Variants in WDR7 observed in about 807,000 individuals in gnomAD.
WDR7 encodes WD repeat-containing protein 7.
A neutral mutation model predicts 169.4 loss-of-function variants in WDR7; 46 were observed. The observed-to-expected ratio is 0.27, with a 90% CI of 0.21 to 0.35. The LOEUF is 0.35. Among genes scored for constraint, WDR7 ranks in the 10% least tolerant of loss-of-function variants. The pLI is 1.00. For missense variants in WDR7, 1,534 were observed against 1,859.3 expected, an observed-to-expected ratio of 0.83 and a Z score of 3.22; for synonymous variants, 612 against 666.8, an observed-to-expected ratio of 0.92 and a Z score of 1.27.
chr18:56,932,629 G>A (rs1339027462), intron 22 of WDR7, among the ~76,000 whole-genome samples: 5 of 152,124 alleles, frequency 3.3e-5, no homozygotes, highest in Admixed American at 2.0e-4. Context: ...TATAATAGAG[G>A]AGCCGGCAGG....
At chr18:57,033,406 T>C (rs1435635778), downstream of WDR7, 2 of 152,126 alleles carry the variant, frequency 1.3e-5, no homozygotes, top group East Asian at 1.9e-4. Context: ...CTGAAGGACA[T>C]TGGTAGATGC....
intron 14 of WDR7, among the ~76,000 whole-genome samples, chr18:56,734,681 G>A (rs930107397): frequency 1.3e-5 from 2 of 151,992 alleles, no homozygotes; most frequent in African/African-American, 4.8e-5. Context: ...GGCAGAGTTA[G>A]TTCTTACATT....
chr18:56,975,036 G>A (rs1423307297), intron 26 of WDR7, among the ~76,000 whole-genome samples: 1 of 152,022 alleles, frequency 6.6e-6, no homozygotes, highest in African/African-American at 2.4e-5. Flanking sequence ...TCAGGAGTTC[G>A]AGACCACCCT....
chr18:56,838,559 T>C (rs1257801152), intron 20 of WDR7, among the ~76,000 whole-genome samples: 1 of 152,218 alleles, frequency 6.6e-6, no homozygotes, highest in Non-Finnish European at 1.5e-5. Flanking sequence ...AACGACAAAA[T>C]TGTTTCCATA....
chr18:56,882,378 G>C (rs924859801), intron 21 of WDR7, among the ~76,000 whole-genome samples: 1 of 152,186 alleles, frequency 6.6e-6, no homozygotes, highest in African/African-American at 2.4e-5. Context: ...GTCAAGAAAT[G>C]TCTAATCCTT....
At chr18:56,902,238 G>T (rs2046413388) in intron 21 of WDR7, among the ~76,000 whole-genome samples, 1 of 152,134 alleles carries the variant, frequency 6.6e-6, no homozygotes, top group East Asian at 1.9e-4. Context: ...CTAAAGTATA[G>T]CAATATTACA....
chr18:56,723,427 G>T (rs571849053), intron 13 of WDR7, among the ~76,000 whole-genome samples: 38 of 151,432 alleles, frequency 2.5e-4, no homozygotes, highest in Non-Finnish European at 2.9e-5. Flanking sequence ...TTCAGCTTTT[G>T]CATGTTTGAA....
rs533071184 is a variant in WDR7, at chr18:56,883,613, C to G, written c.3526+3448C>G. 2.4e-3 allele frequency among the ~76,000 whole-genome samples: 360 copies of G among 151,906 alleles called. 1 individual carries two copies. The highest frequency in any genetic ancestry group is 8.2e-3 in the African/African-American group (338 of 41,444). On this transcript the variant is annotated intron_variant, in intron 21 of 27. Coordinates refer to ENST00000254442, the MANE Select transcript of WDR7 (RefSeq NM_015285.3). ...CTGAGATTTTGGTTCACCCATCACC[C>G]TACCAGTGCACACTGTACCCAGTGT... is the stretch of plus-strand genomic sequence containing the variant.
At chr18:56,967,900 G>T (rs1307448140) in intron 26 of WDR7, among the ~76,000 whole-genome samples, 1 of 152,140 alleles carries the variant, frequency 6.6e-6, no homozygotes, top group African/African-American at 2.4e-5. Context: ...TAGTTATACT[G>T]TATTGGTTAG....
chr18:56,697,290 A>T (rs925797146), intron 12 of WDR7, among the ~76,000 whole-genome samples: 1 of 152,182 alleles, frequency 6.6e-6, no homozygotes, highest in Non-Finnish European at 1.5e-5. Flanking sequence ...TATCTACAAG[A>T]TATCTCATTT....
intron 19 of WDR7, among the ~76,000 whole-genome samples, chr18:56,782,636 A>C (rs1568191858): frequency 6.6e-6 from 1 of 152,186 alleles, no homozygotes; most frequent in Non-Finnish European, 1.5e-5. Flanking sequence ...ATTTTAAATG[A>C]CCTTTTGCCA....
intron 20 of WDR7, among the ~76,000 whole-genome samples, chr18:56,870,588 T>C (rs1377383648): frequency 1.3e-5 from 2 of 152,220 alleles, no homozygotes; most frequent in African/African-American, 4.8e-5. Context: ...ATTACCAGCA[T>C]ACAATGATAA....
intron 14 of WDR7, among the ~76,000 whole-genome samples, chr18:56,746,896 A>C (rs1007853267): frequency 2.0e-5 from 3 of 152,156 alleles, no homozygotes; most frequent in African/African-American, 7.2e-5. Context: ...CCAAGTCGTC[A>C]CTAGCAAAGT....
chr18:56,747,900 T>TG lies in WDR7; in HGVS notation c.1990-8683_1990-8682insG, dbSNP rs144798149. On this transcript the variant is annotated intron_variant, in intron 14 of 27. Coordinates refer to ENST00000254442, the MANE Select transcript of WDR7 (RefSeq NM_015285.3). ...GTGACCCAAGGTTGATTAGGGCAGT[T>TG]TTTTTTTTCTTCTTTTCATTTTCTC... Among the ~76,000 whole-genome samples, 442 of 151,824 alleles carry TG rather than the reference T, an allele frequency of 2.9e-3. 3 individuals are homozygous for TG. In the East Asian group the frequency reaches 0.032, roughly 11 times the overall value.
At chr18:56,795,296 G>A (rs139101328) in intron 19 of WDR7, among the ~76,000 whole-genome samples, 39 of 152,234 alleles carry the variant, frequency 2.6e-4, no homozygotes, top group Non-Finnish European at 5.1e-4. Flanking sequence ...TCCTGACTCA[G>A]ACCTGAGTCA....
chr18:56,966,794 A>G (rs1364451094), intron 26 of WDR7, among the ~76,000 whole-genome samples: 3 of 152,120 alleles, frequency 2.0e-5, no homozygotes, highest in South Asian at 2.1e-4. Flanking sequence ...GGGGATTAAG[A>G]TATTGGAGGT....
intron 14 of WDR7, among the ~76,000 whole-genome samples, chr18:56,733,075 G>A (rs1033029297): frequency 1.3e-5 from 2 of 152,118 alleles, no homozygotes; most frequent in Admixed American, 6.6e-5. Context: ...GTTTGTCCCT[G>A]TTTTAATAGC....
chr18:56,988,253 A>G (rs1222849548), intron 26 of WDR7, among the ~76,000 whole-genome samples: 2 of 152,226 alleles, frequency 1.3e-5, no homozygotes, highest in African/African-American at 2.4e-5. Flanking sequence ...GTTGTGAGGC[A>G]TAAGGTTCAG....
intron 20 of WDR7, among the ~76,000 whole-genome samples, chr18:56,838,372 G>A (rs2045428414): frequency 6.6e-6 from 1 of 152,142 alleles, no homozygotes; most frequent in African/African-American, 2.4e-5. Context: ...TACCAAACTG[G>A]ATCTCCTGCC....
Sources: gnomAD v4.1 joint callset for allele counts (sites outside exome capture counted in the v4.1 genomes callset) on GRCh38, gnomAD v4.1.1 for gene constraint, MANE v1.5 for transcripts, NCBI Gene and HGNC (gene_info 2026-07-23, HGNC 2026-07-21) for gene names.